ANKDD1A: variants seen among roughly 807,000 people sequenced by gnomAD.
ANKDD1A encodes the protein ankyrin repeat and death domain-containing protein 1A.
ANKDD1A carries 59 observed loss-of-function variants against 63.5 expected under a neutral mutation model. The ratio of observed to expected loss-of-function variants is 0.93; its 90% CI spans 0.75 to 1.15. The LOEUF (loss-of-function observed/expected upper bound fraction) is 1.15, where lower values mean the gene tolerates loss of function less well. Ranked by LOEUF, ANKDD1A falls within the 50% of genes most tolerant of loss-of-function variation. The probability of loss-of-function intolerance (pLI) is 0.00; values close to 1 mark genes in which losing one functional copy is unlikely to be tolerated. For synonymous variants in ANKDD1A, 266 were observed against 263.9 expected, an observed-to-expected ratio of 1.01 and a Z score of -0.08; for missense variants, 632 against 656.4, an observed-to-expected ratio of 0.96 and a Z score of 0.41.
At chr15:64,950,726 ACCGCCCCCCCC>A in intron 14 of ANKDD1A, 1 of 524,106 alleles carries the variant, frequency 1.9e-6, no homozygotes, top group Non-Finnish European at 2.1e-6. Flanking sequence ...AAAAGAAAGG[ACCGCCCCCCCC>A]CCCCCCCCCC....
chr15:64,927,029 G>A, intron 6 of ANKDD1A, 30 bp downstream of exon 6: 1 of 1,612,372 alleles, frequency 6.2e-7, no homozygotes, highest in Non-Finnish European at 8.5e-7. Context: ...CTGGGATCCT[G>A]ACCAGGGTGC....
chr15:64,939,899 T>C (rs1348271225), intron 9 of ANKDD1A, among the ~76,000 whole-genome samples: 2 of 151,980 alleles, frequency 1.3e-5, no homozygotes, highest in African/African-American at 4.8e-5. Flanking sequence ...AGAAAAAATA[T>C]AAGGAGGAAA....
chr15:64,921,870 C>G (rs745836587), intron 3 of ANKDD1A, 51 bp from the exon 4 acceptor site: 1 of 1,553,222 alleles, frequency 6.4e-7, no homozygotes, highest in East Asian at 2.2e-5. Context: ...CTGGCTGGCA[C>G]AGCCACGCCT....
rs148927089 is a variant in ANKDD1A, at chr15:64,929,149, A to G, written c.571-1673A>G. On this transcript the variant is annotated intron_variant, in intron 6 of 14. Transcript: ENST00000319580. ...AAGCTGTTGAGGGCTTTTTAAAATT[A>G]TTTTAAAATTTTATTATTTTTAGCT... Among the ~76,000 whole-genome samples, 615 of 152,222 alleles carry G rather than the reference A, an allele frequency of 4.0e-3. 4 individuals carry two copies. Among genetic ancestry groups the G allele is most frequent in the African/African-American group, 0.014 (574 of 41,554 alleles).
intron 4 of ANKDD1A, among the ~76,000 whole-genome samples, chr15:64,924,955 G>A (rs1009740270): frequency 2.4e-4 from 37 of 152,138 alleles, no homozygotes; most frequent in Non-Finnish European, 4.6e-4. Flanking sequence ...GGCCGGGCGT[G>A]GTGGTTCATG....
chr15:64,927,118 C>T, intron 6 of ANKDD1A, 119 bp downstream of exon 6: 1 of 1,005,276 alleles, frequency 9.9e-7, no homozygotes, highest in East Asian at 2.6e-5. Context: ...CCCGTGTGGC[C>T]CAAAGATGAG....
chr15:64,942,615 T>C, intron 10 of ANKDD1A, 50 bp downstream of exon 10: 1 of 1,491,478 alleles, frequency 6.7e-7, no homozygotes, highest in Non-Finnish European at 9.2e-7. Context: ...CTGGAAACCC[T>C]CCCAGGCTGG....
chr15:64,953,633 T>TTCTCCTC (rs2085352234), intron 14 of ANKDD1A, among the ~76,000 whole-genome samples: 1 of 4,642 alleles, frequency 2.2e-4, no homozygotes, highest in Non-Finnish European at 4.6e-3. Context: ...TCTTCTTCCT[T>TTCTCCTC]CTTCTTCCTC....
intron 2 of ANKDD1A, among the ~76,000 whole-genome samples, chr15:64,916,862 T>C (rs529672184): frequency 3.3e-4 from 50 of 152,226 alleles, no homozygotes; most frequent in African/African-American, 1.2e-3. Context: ...CCTATTTGGA[T>C]AACGTTATGA....
At chr15:64,952,222 CCTTCTCCTCCTTTCTTCTTCTTATT>C (rs961857742) in intron 14 of ANKDD1A, among the ~76,000 whole-genome samples, 19 of 144,836 alleles carry the variant, frequency 1.3e-4, no homozygotes, top group Non-Finnish European at 2.8e-4. Context: ...TCTTCTTCTT[CCTTCTCCTCCTTTCTTCTTCTTATT>C]CTTCTCCTTC....
At chr15:64,917,855 T>C (rs1256655800) in intron 3 of ANKDD1A, among the ~76,000 whole-genome samples, 1 of 152,238 alleles carries the variant, frequency 6.6e-6, no homozygotes, top group Non-Finnish European at 1.5e-5. Context: ...TCTCATGATA[T>C]GCCACAGGGC....
chr15:64,929,519 C>T (rs575782169), intron 6 of ANKDD1A, among the ~76,000 whole-genome samples: 13 of 152,252 alleles, frequency 8.5e-5, no homozygotes, highest in Non-Finnish European at 1.6e-4. Context: ...CAGCAGGGGC[C>T]ACTTCTGATA....
intron 3 of ANKDD1A, among the ~76,000 whole-genome samples, chr15:64,921,354 G>A (rs2085005462): frequency 6.6e-6 from 1 of 152,016 alleles, no homozygotes; most frequent in Non-Finnish European, 1.5e-5. Flanking sequence ...AAATGGTGAT[G>A]AGAGTAAATG....
At chr15:64,932,894 A>G (rs1001763561) in intron 8 of ANKDD1A, 6 of 150,122 alleles carry the variant, frequency 4.0e-5, no homozygotes, top group Non-Finnish European at 5.9e-5. Flanking sequence ...GGCTGCAGTG[A>G]GCTATGATTG....
chr15:64,957,826 C>T lies in ANKDD1A; in HGVS notation c.*638C>T, dbSNP rs755286742. Reference sequence around the variant, plus strand: ...AAGAATAATTATAATTAAAAAAACACGATACAGATCAGTGCATATAGTATA... The same window carrying T: ...AAGAATAATTATAATTAAAAAAACATGATACAGATCAGTGCATATAGTATA... On this transcript the variant is annotated 3_prime_UTR_variant, in exon 15 of 15. Transcript: ENST00000319580. The T allele has an allele frequency of 2.0e-5, 3 of 151,942 alleles. No individual in the cohort carries two copies. Among genetic ancestry groups the T allele is most frequent in the Admixed American group, 6.6e-5 (1 of 15,244 alleles). The allele number at this position is 151,942 out of a possible 1,614,324, so 9.4% of individuals were successfully genotyped here. A position where few individuals can be genotyped will look rare whatever the true frequency, so the allele number is the denominator to read the frequency against.
chr15:64,955,542 T>C (rs1162060128), intron 14 of ANKDD1A, among the ~76,000 whole-genome samples: 1 of 152,168 alleles, frequency 6.6e-6, no homozygotes, highest in Non-Finnish European at 1.5e-5. Flanking sequence ...TTCTGGGGAA[T>C]TGTGGCTCTG....
intron 9 of ANKDD1A, among the ~76,000 whole-genome samples, chr15:64,941,289 G>A (rs200781386): frequency 3.4e-4 from 52 of 152,034 alleles, no homozygotes; most frequent in African/African-American, 1.2e-4. Flanking sequence ...GCGGGGGAGC[G>A]GTGTCCTAGT....
intron 1 of ANKDD1A, 92 bp from the exon 2 acceptor site, chr15:64,915,705 A>G: frequency 1.8e-6 from 2 of 1,089,648 alleles, no homozygotes; most frequent in Non-Finnish European, 2.8e-6. Context: ...CTGCTCCAGA[A>G]ATGTTCAGGA....
chr15:64,953,676 T>TC (rs1566917790), intron 14 of ANKDD1A, among the ~76,000 whole-genome samples: 1 of 77,000 alleles, frequency 1.3e-5, no homozygotes, highest in African/African-American at 3.8e-5. Flanking sequence ...TTCTCCTTCT[T>TC]TTCTTCTCCT....
Sources: gnomAD v4.1 joint callset for allele counts (sites outside exome capture counted in the v4.1 genomes callset) on GRCh38, gnomAD v4.1.1 for gene constraint, MANE v1.5 for transcripts, NCBI Gene and HGNC (gene_info 2026-07-23, HGNC 2026-07-21) for gene names.